SLC41A2: variants seen among roughly 807,000 people sequenced by gnomAD.
The protein encoded by SLC41A2 is solute carrier family 41 member 2.
SLC41A2 carries 32 observed loss-of-function variants against 58.3 expected under a neutral mutation model. The observed-to-expected ratio is 0.55, with a 90% CI of 0.41 to 0.74. The LOEUF (loss-of-function observed/expected upper bound fraction) is 0.74, where lower values mean the gene tolerates loss of function less well. Among genes scored for constraint, SLC41A2 ranks in the 30% least tolerant of loss-of-function variants. The pLI is 0.00. For synonymous variants in SLC41A2, 190 were observed against 235.0 expected, an observed-to-expected ratio of 0.81 and a Z score of 1.75; for missense variants, 514 against 680.6, an observed-to-expected ratio of 0.76 and a Z score of 2.72.
chr12:104,850,472 C>T (rs1289504390), intron 8 of SLC41A2, among the ~76,000 whole-genome samples: 1 of 152,072 alleles, frequency 6.6e-6, no homozygotes, highest in Non-Finnish European at 1.5e-5. Flanking sequence ...CTATATATTG[C>T]CGGATACCTA....
At chr12:104,880,954 T>C (rs1218253071) in intron 6 of SLC41A2, among the ~76,000 whole-genome samples, 4 of 152,194 alleles carry the variant, frequency 2.6e-5, no homozygotes, top group Admixed American at 2.0e-4. Flanking sequence ...CTGGACTTTT[T>C]TTGGTTGGTA....
At chr12:104,822,982 GAGAGTCTAAAGTCATTGC>G (rs371655350) in intron 10 of SLC41A2, among the ~76,000 whole-genome samples, 5 of 152,128 alleles carry the variant, frequency 3.3e-5, no homozygotes, top group African/African-American at 1.2e-4. Flanking sequence ...TTTGACATGG[GAGAGTCTAAAGTCATTGC>G]TTAGAGAAAG....
At chr12:104,930,198 G>T (rs2046999380) in intron 1 of SLC41A2, among the ~76,000 whole-genome samples, 1 of 132,926 alleles carries the variant, frequency 7.5e-6, no homozygotes, top group African/African-American at 3.1e-5. Flanking sequence ...GACTTCCTGT[G>T]GACTTGCAAT....
At chr12:104,886,542 G>C (rs1593073190) in intron 5 of SLC41A2, 103 bp from the exon 6 acceptor site, 1 of 1,214,688 alleles carries the variant, frequency 8.2e-7, no homozygotes, top group Non-Finnish European at 1.2e-6. Context: ...ATCAATTCCA[G>C]TTAGACTGCT....
At chr12:104,919,966 T>C (rs562523366) in intron 2 of SLC41A2, among the ~76,000 whole-genome samples, 2 of 152,318 alleles carry the variant, frequency 1.3e-5, no homozygotes, top group South Asian at 2.1e-4. Flanking sequence ...TTTAAGTGTG[T>C]GGTCCATATT....
chr12:104,958,330 CGCCCCGCCCCCGCGCGGCA>C (rs1381058062), upstream of SLC41A2: 6 of 148,458 alleles, frequency 4.0e-5, no homozygotes, highest in South Asian at 2.0e-4. Context: ...GACTCCCCGC[CGCCCCGCCCCCGCGCGGCA>C]GCCCCGCGCA....
At chr12:104,825,925 A>G (rs145829140) in intron 10 of SLC41A2, among the ~76,000 whole-genome samples, 2 of 152,230 alleles carry the variant, frequency 1.3e-5, no homozygotes, top group Non-Finnish European at 2.9e-5. Flanking sequence ...TTTAATTCCT[A>G]TTCTCCAGGT....
At chr12:104,836,605 T>C (rs1295572257) in intron 10 of SLC41A2, among the ~76,000 whole-genome samples, 1 of 152,186 alleles carries the variant, frequency 6.6e-6, no homozygotes, top group Non-Finnish European at 1.5e-5. Flanking sequence ...TAGGTGAATA[T>C]ACACTTTCTA....
chr12:104,901,703 C>A (rs2045572699), intron 3 of SLC41A2, among the ~76,000 whole-genome samples: 1 of 152,218 alleles, frequency 6.6e-6, no homozygotes, highest in African/African-American at 2.4e-5. Context: ...GTATGTGCCA[C>A]CAAGCCCAGC....
intron 10 of SLC41A2, among the ~76,000 whole-genome samples, chr12:104,834,624 T>C (rs947649968): frequency 6.6e-6 from 1 of 151,838 alleles, no homozygotes; most frequent in African/African-American, 2.4e-5. Flanking sequence ...TCCTGGTTGC[T>C]TAGGTTTTTC....
At chr12:104,921,465 G>A (rs2046591369) in intron 2 of SLC41A2, among the ~76,000 whole-genome samples, 1 of 149,406 alleles carries the variant, frequency 6.7e-6, no homozygotes, top group South Asian at 2.1e-4. Context: ...AGAAGAGGGT[G>A]AAATAACATT....
intron 10 of SLC41A2, among the ~76,000 whole-genome samples, chr12:104,812,579 T>C (rs2041221814): frequency 6.6e-6 from 1 of 152,146 alleles, no homozygotes; most frequent in Non-Finnish European, 1.5e-5. Flanking sequence ...CCATGTTCTC[T>C]TTCTTTGGAA....
intron 7 of SLC41A2, 38 bp downstream of exon 7, chr12:104,866,389 CACACA>C: frequency 1.9e-6 from 1 of 519,502 alleles, no homozygotes; most frequent in Non-Finnish European, 2.9e-6. Flanking sequence ...CGTACACACA[CACACA>C]CACACACACA....
chr12:104,847,812 G>C (rs2042662110), intron 8 of SLC41A2, among the ~76,000 whole-genome samples: 1 of 152,106 alleles, frequency 6.6e-6, no homozygotes, highest in Non-Finnish European at 1.5e-5. Context: ...GCAGGTCCTA[G>C]AATAGCATCA....
intron 4 of SLC41A2, 34 bp downstream of exon 4, chr12:104,895,240 C>G: frequency 1.3e-6 from 2 of 1,530,146 alleles, no homozygotes; most frequent in Non-Finnish European, 9.0e-7. Flanking sequence ...ATTTGTACAC[C>G]CAAGATCTGT....
intron 10 of SLC41A2, among the ~76,000 whole-genome samples, chr12:104,842,885 T>C (rs2042465503): frequency 6.6e-6 from 1 of 152,034 alleles, no homozygotes; most frequent in Non-Finnish European, 1.5e-5. Context: ...GGCTAAGAGG[T>C]AGAGTTGCAA....
intron 6 of SLC41A2, among the ~76,000 whole-genome samples, chr12:104,881,712 G>C (rs969935726): frequency 2.0e-5 from 3 of 152,204 alleles, no homozygotes; most frequent in African/African-American, 7.2e-5. Flanking sequence ...TTTCACATTT[G>C]CTGAGGAGTG....
intron 2 of SLC41A2, among the ~76,000 whole-genome samples, chr12:104,927,155 T>G (rs2135879988): frequency 6.6e-6 from 1 of 152,292 alleles, no homozygotes; most frequent in South Asian, 2.1e-4. Context: ...TTGATACAAA[T>G]TTTTTGGAAT....
intron 3 of SLC41A2, among the ~76,000 whole-genome samples, chr12:104,900,776 T>C (rs1353025290): frequency 1.3e-5 from 2 of 152,226 alleles, no homozygotes; most frequent in Non-Finnish European, 2.9e-5. Context: ...GAGATTGTAA[T>C]TATATCTAAA....
Sources: gnomAD v4.1 joint callset for allele counts (sites outside exome capture counted in the v4.1 genomes callset) on GRCh38, gnomAD v4.1.1 for gene constraint, MANE v1.5 for transcripts, NCBI Gene and HGNC (gene_info 2026-07-23, HGNC 2026-07-21) for gene names.